Variants in MYO9A observed in about 807,000 individuals in gnomAD.
The protein encoded by MYO9A is myosin IXA, also known as unconventional myosin-IXa.
In MYO9A, 103 loss-of-function variants were observed where a neutral mutation model predicts 293.3. The ratio of observed to expected loss-of-function variants is 0.35; its 90% CI spans 0.30 to 0.41. The LOEUF (loss-of-function observed/expected upper bound fraction) is 0.41. MYO9A is among the 10% of genes least tolerant of loss of function. The probability of loss-of-function intolerance (pLI) is 1.00; values close to 1 mark genes in which losing one functional copy is unlikely to be tolerated. For synonymous variants in MYO9A, 1,001 were observed against 1,035.7 expected, an observed-to-expected ratio of 0.97 and a Z score of 0.64; for missense variants, 2,685 against 3,033.0, an observed-to-expected ratio of 0.89 and a Z score of 2.69.
At chr15:72,028,682 A>G (rs910242339) in intron 3 of MYO9A, among the ~76,000 whole-genome samples, 59 of 125,752 alleles carry the variant, frequency 4.7e-4, no homozygotes, top group African/African-American at 1.8e-3. Context: ...CACAGTACAC[A>G]AGATCCCTGA....
intron 22 of MYO9A, 127 bp downstream of exon 22, chr15:71,902,814 G>T: frequency 2.9e-6 from 2 of 695,638 alleles, no homozygotes; most frequent in Admixed American, 3.7e-5. Flanking sequence ...ATAAAAACCT[G>T]GGCCTAACCA....
chr15:72,057,604 G>A (rs929870450), intron 1 of MYO9A, among the ~76,000 whole-genome samples: 1 of 152,178 alleles, frequency 6.6e-6, no homozygotes, highest in African/African-American at 2.4e-5. Context: ...TAGCCACAGT[G>A]GCTGACTACT....
chr15:71,853,451 T>C (rs1042085395), intron 35 of MYO9A, among the ~76,000 whole-genome samples: 24 of 152,338 alleles, frequency 1.6e-4, no homozygotes, highest in African/African-American at 5.8e-4. Flanking sequence ...TATTTCAAGG[T>C]ATCAGAGACA....
At chr15:71,983,505 C>G (rs2076333282) in intron 11 of MYO9A, among the ~76,000 whole-genome samples, 1 of 98,658 alleles carries the variant, frequency 1.0e-5, no homozygotes, top group Non-Finnish European at 1.8e-5. Context: ...GAGATGGAGT[C>G]TCGCTCTGTC....
At position 71,901,338 on chromosome 15, in the gene MYO9A, G is replaced by C; in HGVS notation, c.3003C>G (p.Val1001=). ...GCTGTCGTTCCTGCTCCTTTAGAAA[G>C]ACCTACCAAAAGGAAGAAAGATGAG... ...PDNYQVGKTM[V]FLKEQERQHL... is the part of the protein sequence containing the mutation. Residue 1001 remains valine, a splice_region_variant and synonymous_variant, in exon 23 of 42, where the codon GTC becomes GTG. Transcript: ENST00000356056. 6.2e-7 allele frequency: 1 copy of C among 1,606,680 alleles called. No individual in the cohort carries two copies. Among genetic ancestry groups the C allele is most frequent in the Non-Finnish European group, 8.5e-7 (1 of 1,177,948 alleles).
chr15:71,936,786 T>C (rs939501865), intron 16 of MYO9A, among the ~76,000 whole-genome samples: 5 of 152,084 alleles, frequency 3.3e-5, no homozygotes, highest in South Asian at 2.1e-4. Flanking sequence ...ATTTTCATTA[T>C]TTTGTGCTAA....
intron 1 of MYO9A, among the ~76,000 whole-genome samples, chr15:72,076,794 G>C (rs1448686008): frequency 6.6e-6 from 1 of 152,058 alleles, no homozygotes; most frequent in Non-Finnish European, 1.5e-5. Context: ...ATACAATATT[G>C]AAGGAGAAAA....
intron 27 of MYO9A, among the ~76,000 whole-genome samples, chr15:71,887,474 G>A (rs1469658555): frequency 6.6e-6 from 1 of 152,126 alleles, no homozygotes; most frequent in African/African-American, 2.4e-5. Context: ...ACTGGAGACA[G>A]TGTAGACCTT....
chr15:71,985,470 G>A (rs1209167461), intron 11 of MYO9A, among the ~76,000 whole-genome samples: 1 of 152,180 alleles, frequency 6.6e-6, no homozygotes, highest in Non-Finnish European at 1.5e-5. Flanking sequence ...CTGGGCTTCA[G>A]TCCTTCTGAT....
chr15:71,930,719 A>C (rs1203144726), intron 18 of MYO9A, among the ~76,000 whole-genome samples: 1 of 152,096 alleles, frequency 6.6e-6, no homozygotes, highest in East Asian at 1.9e-4. Flanking sequence ...TGATAGGTAA[A>C]GATTTACTAG....
At chr15:72,040,012 T>C (rs2078177840) in intron 2 of MYO9A, 2 of 182,728 alleles carry the variant, frequency 1.1e-5, no homozygotes, top group South Asian at 1.4e-4. Flanking sequence ...AGCAGCAATC[T>C]GGTCTCTCCA....
Position 72,045,957 on chromosome 15 carries a change from A to G in MYO9A, c.607T>C (p.Tyr203His). 1 of 1,614,196 alleles carries G rather than the reference A, an allele frequency of 6.2e-7. No individual in the cohort carries two copies. The highest frequency in any genetic ancestry group is 8.5e-7 in the Non-Finnish European group (1 of 1,180,032). Reference sequence around the variant, plus strand: ...AGTTTTCCCAGTTGGTGGTTATCATACATTTTGACATATTTGGGGTTATAA... The same window carrying G: ...AGTTTTCCCAGTTGGTGGTTATCATGCATTTTGACATATTTGGGGTTATAA... ...PIYNPKYVKM[Y>H]DNHQLGKLEP... is the part of the protein sequence containing the mutation. The change falls in exon 2 of 42, where the codon TAT (tyrosine) becomes CAT (histidine). Residue 203 changes from tyrosine (Y) to histidine (H), a missense_variant. Around this residue, in one of 10 missense-constraint regions of MYO9A, gnomAD observed 289 missense variants for 456.8 expected, o/e 0.63. Coordinates refer to ENST00000356056, the MANE Select transcript of MYO9A (RefSeq NM_006901.4).
intron 29 of MYO9A, 40 bp downstream of exon 29, chr15:71,880,295 C>T (rs2056834535): frequency 6.4e-7 from 1 of 1,552,462 alleles, no homozygotes; most frequent in Non-Finnish European, 8.9e-7. Context: ...ATTCCATACA[C>T]AGAGCTGCTC....
intron 1 of MYO9A, among the ~76,000 whole-genome samples, chr15:72,096,400 A>C (rs1016486556): frequency 9.2e-5 from 14 of 152,212 alleles, no homozygotes; most frequent in African/African-American, 2.9e-4. Context: ...TGGAAAAACA[A>C]AGCCTGAATG....
intron 39 of MYO9A, among the ~76,000 whole-genome samples, chr15:71,844,966 G>C (rs1240417483): frequency 6.6e-6 from 1 of 152,178 alleles, no homozygotes; most frequent in Non-Finnish European, 1.5e-5. Context: ...GAGGAACTAT[G>C]CATTATCTAG....
intron 6 of MYO9A, among the ~76,000 whole-genome samples, chr15:72,015,100 C>G (rs1216369710): frequency 6.6e-6 from 1 of 150,816 alleles, no homozygotes; most frequent in Non-Finnish European, 1.5e-5. Flanking sequence ...CCACCCACTT[C>G]CCAAAGTGCT....
rs1446617462 is a variant in MYO9A, at chr15:71,824,664, A to G, written c.*1916T>C. 2 of 152,196 alleles carry G rather than the reference A, an allele frequency of 1.3e-5. No homozygotes were observed. 9.4% of individuals were successfully genotyped at this position (152,196 alleles called of 1,614,324 possible). A position where few individuals can be genotyped will look rare whatever the true frequency, so the allele number is the denominator to read the frequency against. ...GATTTTTAAAAGCTTAACATTATTT[A>G]TTACTCCTCAGGACAAGATGAACAA... On this transcript the variant is annotated 3_prime_UTR_variant, in exon 42 of 42. Transcript: ENST00000356056.
chr15:71,998,146 A>G (rs2076753258), intron 9 of MYO9A, among the ~76,000 whole-genome samples: 1 of 152,108 alleles, frequency 6.6e-6, no homozygotes, highest in African/African-American at 2.4e-5. Context: ...AGCATAAATA[A>G]GAAGAAAACC....
At chr15:72,006,702 G>T (rs371536108) in intron 8 of MYO9A, among the ~76,000 whole-genome samples, 36 of 152,266 alleles carry the variant, frequency 2.4e-4, no homozygotes, top group East Asian at 9.7e-4. Flanking sequence ...TAAGAGATTG[G>T]GGGATTCCAC....
Sources: allele counts gnomAD v4.1 joint callset (sites outside exome capture counted in the v4.1 genomes callset), GRCh38; gene constraint gnomAD v4.1.1; regional missense constraint gnomAD v4.1.1; transcripts MANE v1.5; gene names NCBI Gene and HGNC (gene_info 2026-07-23, HGNC 2026-07-21).